PCDHGA11: variants seen among roughly 807,000 people sequenced by gnomAD.
PCDHGA11 encodes protocadherin gamma subfamily A, 11, also known as protocadherin gamma-A11.
PCDHGA11 carries 39 observed loss-of-function variants against 60.4 expected under a neutral mutation model. The observed-to-expected ratio is 0.65, with a 90% CI of 0.50 to 0.84. PCDHGA11 has a LOEUF of 0.84. PCDHGA11 is among the 40% of genes least tolerant of loss of function. The pLI is 0.00. For synonymous variants in PCDHGA11, 533 were observed against 510.3 expected (o/e 1.04, Z -0.60); for missense variants, 1,165 against 1,197.7 (o/e 0.97, Z 0.40).
At position 141,421,672 on chromosome 5, in the gene PCDHGA11, C is replaced by T; in HGVS notation, c.445C>T (p.Pro149Ser). The change falls in exon 1 of 4, where the codon CCT becomes TCT. Residue 149 changes from proline (P) to serine (S), a missense_variant. Pro to Ser is a moderately conservative substitution (Grantham distance 74). Coordinates refer to ENST00000398587, the MANE Select transcript of PCDHGA11 (RefSeq NM_018914.3). The part of the protein sequence containing the change: ...VEIKVSEHAI[P>S]GARFALPNAR... Reference sequence around the variant, plus strand: ...GATAAAAGTCAGTGAGCACGCAATTCCTGGGGCGCGATTTGCTCTTCCTAA... The same window carrying T: ...GATAAAAGTCAGTGAGCACGCAATTTCTGGGGCGCGATTTGCTCTTCCTAA... 4 of 1,613,862 alleles carry T rather than the reference C, an allele frequency of 2.5e-6. No individual in the cohort carries two copies. The highest frequency in any genetic ancestry group is 1.6e-4 in the Middle Eastern group (1 of 6,062).
chr5:141,448,974 C>T (rs937711828), intron 1 of PCDHGA11, among the ~76,000 whole-genome samples: 5 of 151,994 alleles, frequency 3.3e-5, no homozygotes, highest in African/African-American at 1.2e-4. Context: ...CAAAAAAGAA[C>T]TTCCATATTA....
In PCDHGA11 at chr5:141,489,152, A is replaced by C; in HGVS notation, c.2434-5655A>C. The C allele has an allele frequency of 2.1e-6, 2 of 960,350 alleles. No individual in the cohort carries two copies. Among genetic ancestry groups the C allele is most frequent in the Non-Finnish European group, 3.1e-6 (2 of 640,552 alleles). 59.5% of individuals were successfully genotyped at this position (960,350 alleles called of 1,614,324 possible). A position where few individuals can be genotyped will look rare whatever the true frequency, so the allele number is the denominator to read the frequency against. On this transcript the variant is annotated intron_variant, in intron 1 of 3. Transcript: ENST00000398587. This position sits in a 1 kb window ranked among gnomAD's most constrained non-coding sequence, Gnocchi z 4.5. The stretch of plus-strand genomic sequence containing the variant: ...TTTTAAGAGGCTGGAAGGAGACATA[A>C]GAGACTTCAGCTGCTGCATTCCAAG...
chr5:141,431,016 C>A lies in PCDHGA11; in HGVS notation c.2433+7356C>A, dbSNP rs755015257. 4 of 1,613,456 alleles carry A rather than the reference C, an allele frequency of 2.5e-6. No individual in the cohort carries two copies. Among genetic ancestry groups the A allele is most frequent in the East Asian group, 2.2e-5 (1 of 44,860 alleles). ...AATCCGCGCAGCGGCAGCTTGGTCA[C>A]GGCGGGCAGGATAGACCGGGAGGAG... is the stretch of plus-strand genomic sequence containing the variant. On this transcript the variant is annotated intron_variant, in intron 1 of 3. Coordinates refer to ENST00000398587, the MANE Select transcript of PCDHGA11 (RefSeq NM_018914.3). The surrounding 1 kb of genome is among the most constrained non-coding windows in gnomAD (Gnocchi z 4.8).
At chr5:141,506,092 G>A (rs1595997534) in intron 3 of PCDHGA11, among the ~76,000 whole-genome samples, 1 of 152,142 alleles carries the variant, frequency 6.6e-6, no homozygotes, top group Admixed American at 6.6e-5. Flanking sequence ...TTCGGCTAGT[G>A]GTGGTTGTCC....
intron 1 of PCDHGA11, among the ~76,000 whole-genome samples, chr5:141,473,858 C>T (rs569473917): frequency 6.6e-6 from 1 of 152,168 alleles, no homozygotes; most frequent in Non-Finnish European, 1.5e-5. Flanking sequence ...ATGAACCTCG[C>T]TATTGTGGAG....
At chr5:141,472,453 T>C (rs2099281194) in intron 1 of PCDHGA11, among the ~76,000 whole-genome samples, 1 of 151,726 alleles carries the variant, frequency 6.6e-6, no homozygotes, top group African/African-American at 2.4e-5. Flanking sequence ...GGCAGGAGAA[T>C]CGCTTGAACC....
chr5:141,490,251 A>G lies in PCDHGA11; in HGVS notation c.2434-4556A>G, dbSNP rs1479384008. ...CCATGGAGGGCCACTGTGTGATTCA[A>G]GTGGATGTGGGGGATGTCAATGACA... is the stretch of plus-strand genomic sequence containing the variant. On this transcript the variant is annotated intron_variant, in intron 1 of 3. Coordinates refer to ENST00000398587, the MANE Select transcript of PCDHGA11 (RefSeq NM_018914.3). This position sits in a 1 kb window ranked among gnomAD's most constrained non-coding sequence, Gnocchi z 5.4. 6.2e-7 allele frequency: 1 copy of G among 1,614,210 alleles called. No homozygotes were observed. Among genetic ancestry groups the G allele is most frequent in the Non-Finnish European group, 8.5e-7 (1 of 1,180,036 alleles).
intron 2 of PCDHGA11, among the ~76,000 whole-genome samples, chr5:141,497,865 A>G (rs1248242691): frequency 2.0e-5 from 3 of 152,168 alleles, no homozygotes; most frequent in Admixed American, 2.0e-4. Flanking sequence ...CAGCGGCTCC[A>G]AAGTGAAATA....
intron 1 of PCDHGA11, among the ~76,000 whole-genome samples, chr5:141,437,588 A>G (rs1399641711): frequency 6.6e-6 from 1 of 152,134 alleles, no homozygotes; most frequent in African/African-American, 2.4e-5. Context: ...CATGAATTGG[A>G]TAGTTCTGGT....
intron 1 of PCDHGA11, chr5:141,428,437 C>G: frequency 2.5e-6 from 1 of 400,386 alleles, no homozygotes; most frequent in East Asian, 5.4e-5. Flanking sequence ...TAAGACTAGA[C>G]CAGGGGTTTT....
intron 1 of PCDHGA11, 62 bp from the exon 2 acceptor site, chr5:141,494,745 G>T: frequency 1.2e-6 from 2 of 1,612,802 alleles, no homozygotes; most frequent in African/African-American, 1.3e-5. Context: ...ATCCCTAGGG[G>T]CTCGGGTGAC....
At chr5:141,460,787 C>T (rs1177595415) in intron 1 of PCDHGA11, among the ~76,000 whole-genome samples, 1 of 151,504 alleles carries the variant, frequency 6.6e-6, no homozygotes, top group Non-Finnish European at 1.5e-5. Context: ...TACATATATA[C>T]ACACAAAGTA....
Position 141,477,856 on chromosome 5 carries a change from G to T in PCDHGA11, c.2434-16951G>T, listed in dbSNP as rs773703641. ...CAGGTGGGAGCTCGGTGGAGATGCTGCCTCGAGGTACCTCAGCTGGCCACC... is the reference window on the plus strand; with the variant it reads ...CAGGTGGGAGCTCGGTGGAGATGCTTCCTCGAGGTACCTCAGCTGGCCACC... On this transcript the variant is annotated intron_variant, in intron 1 of 3. Coordinates refer to ENST00000398587, the MANE Select transcript of PCDHGA11 (RefSeq NM_018914.3). This position sits in a 1 kb window ranked among gnomAD's most constrained non-coding sequence, Gnocchi z 4.9. 1 of 1,613,474 alleles carries T rather than the reference G, an allele frequency of 6.2e-7. No homozygotes were observed. Among genetic ancestry groups the T allele is most frequent in the Non-Finnish European group, 8.5e-7 (1 of 1,179,854 alleles).
intron 3 of PCDHGA11, 78 bp from the exon 4 acceptor site, chr5:141,510,869 T>C: frequency 9.3e-6 from 15 of 1,608,708 alleles, no homozygotes; most frequent in Non-Finnish European, 1.3e-5. Flanking sequence ...AGGCATTCAT[T>C]AACTGCTGGG....
chr5:141,450,832 T>A (rs192186566), intron 1 of PCDHGA11, among the ~76,000 whole-genome samples: 5,292 of 142,276 alleles, frequency 0.037, 115 homozygotes, highest in Middle Eastern at 0.096. Flanking sequence ...TATTATTATT[T>A]TTTTTTTTTT....
Position 141,432,691 on chromosome 5 carries a change from G to T in PCDHGA11, c.2433+9031G>T. 1 of 1,613,942 alleles carries T rather than the reference G, an allele frequency of 6.2e-7. No individual in the cohort carries two copies. The highest frequency in any genetic ancestry group is 1.1e-5 in the South Asian group (1 of 91,068). On this transcript the variant is annotated intron_variant, in intron 1 of 3. Coordinates refer to ENST00000398587, the MANE Select transcript of PCDHGA11 (RefSeq NM_018914.3). This position sits in a 1 kb window ranked among gnomAD's most constrained non-coding sequence, Gnocchi z 6.0. ...ACGCGCTCAAGCAGAGCCTCGTAGT[G>T]GCCGTCCAGGACCACGGCCAGCCCC... is the stretch of plus-strand genomic sequence containing the variant.
chr5:141,432,700 G>A lies in PCDHGA11; in HGVS notation c.2433+9040G>A. On this transcript the variant is annotated intron_variant, in intron 1 of 3. Transcript: ENST00000398587. The surrounding 1 kb of genome is among the most constrained non-coding windows in gnomAD (Gnocchi z 6.0). ...AGCAGAGCCTCGTAGTGGCCGTCCAGGACCACGGCCAGCCCCCTCTCTCCG... is the reference window on the plus strand; with the variant it reads ...AGCAGAGCCTCGTAGTGGCCGTCCAAGACCACGGCCAGCCCCCTCTCTCCG... The A allele has an allele frequency of 6.2e-7, 1 of 1,613,980 alleles. No individual in the cohort carries two copies. The highest frequency in any genetic ancestry group is 8.5e-7 in the Non-Finnish European group (1 of 1,179,978).
chr5:141,424,076 A>C, intron 1 of PCDHGA11: 2 of 979,452 alleles, frequency 2.0e-6, no homozygotes, highest in Non-Finnish European at 2.5e-6. Flanking sequence ...TTGTAGTTAT[A>C]TTCCACCATT....
chr5:141,461,072 A>C (rs555905734), intron 1 of PCDHGA11, among the ~76,000 whole-genome samples: 1 of 151,688 alleles, frequency 6.6e-6, no homozygotes, highest in African/African-American at 2.4e-5. Context: ...ACATTTTTGC[A>C]ATTGTGAATT....
Sources: gnomAD v4.1 joint callset for allele counts (sites outside exome capture counted in the v4.1 genomes callset) on GRCh38, gnomAD v4.1.1 for gene constraint, Gnocchi (gnomAD v3.1) non-coding constraint, MANE v1.5 for transcripts, NCBI Gene and HGNC (gene_info 2026-07-23, HGNC 2026-07-21) for gene names.